PLCB1: variants seen among roughly 807,000 people sequenced by gnomAD.
PLCB1 encodes the protein 1-phosphatidylinositol 4,5-bisphosphate phosphodiesterase beta-1.
A neutral mutation model predicts 161.8 loss-of-function variants in PLCB1; 46 were observed. That is an observed-to-expected ratio of 0.28 (90% CI 0.22 to 0.36). The LOEUF is 0.36. PLCB1 is among the 10% of genes least tolerant of loss of function. PLCB1 has a pLI of 1.00. For missense variants in PLCB1, 1,016 were observed against 1,472.5 expected (o/e 0.69, Z 5.07); for synonymous variants, 517 against 503.7 (o/e 1.03, Z -0.35).
intron 3 of PLCB1, among the ~76,000 whole-genome samples, chr20:8,515,537 T>C (rs897449808): frequency 2.6e-5 from 4 of 152,316 alleles, no homozygotes; most frequent in African/African-American, 9.6e-5. Context: ...TCTAGAAATT[T>C]GTATTCCTAG....
At chr20:8,392,846 A>G (rs1351263282) in intron 3 of PLCB1, among the ~76,000 whole-genome samples, 1 of 152,214 alleles carries the variant, frequency 6.6e-6, no homozygotes, top group African/African-American at 2.4e-5. Context: ...TTTGGATGTG[A>G]TACATGACCC....
At chr20:8,470,580 C>G (rs763637078) in intron 3 of PLCB1, among the ~76,000 whole-genome samples, 1 of 152,100 alleles carries the variant, frequency 6.6e-6, no homozygotes, top group Non-Finnish European at 1.5e-5. Flanking sequence ...AGGTCTCACT[C>G]TTAGTCCAGG....
chr20:8,385,177 C>T (rs966440456), intron 3 of PLCB1, among the ~76,000 whole-genome samples: 2 of 152,212 alleles, frequency 1.3e-5, no homozygotes, highest in Non-Finnish European at 2.9e-5. Flanking sequence ...ACTCCTCTCC[C>T]TGGGGCTCAG....
At chr20:8,309,316 G>A (rs57610231) in intron 2 of PLCB1, among the ~76,000 whole-genome samples, 31,404 of 152,010 alleles carry the variant, frequency 0.21, 3,414 homozygotes, top group South Asian at 0.3. Context: ...CCCTACCCCC[G>A]AATAATGCAC....
At chr20:8,554,268 G>C (rs1479525215) in intron 3 of PLCB1, among the ~76,000 whole-genome samples, 1 of 152,016 alleles carries the variant, frequency 6.6e-6, no homozygotes, top group Non-Finnish European at 1.5e-5. Flanking sequence ...TTACCCAAAA[G>C]AGATGAAACA....
chr20:8,335,773 A>G (rs1322688075), intron 2 of PLCB1, among the ~76,000 whole-genome samples: 1 of 152,248 alleles, frequency 6.6e-6, no homozygotes, highest in Non-Finnish European at 1.5e-5. Flanking sequence ...GGACATCTGT[A>G]ACGCTGCAGA....
chr20:8,626,750 C>CA (rs1171183229), intron 3 of PLCB1, among the ~76,000 whole-genome samples: 7 of 152,154 alleles, frequency 4.6e-5, no homozygotes, highest in African/African-American at 1.7e-4. Flanking sequence ...CTGAGTGTAC[C>CA]AAAAAGAACC....
chr20:8,733,417 G>C (rs953420192), intron 19 of PLCB1, 25 bp downstream of exon 19: 2 of 1,605,488 alleles, frequency 1.2e-6, no homozygotes, highest in African/African-American at 2.7e-5. Flanking sequence ...TCACAAAATT[G>C]TTCCTAACAA....
chr20:8,859,269 A>G (rs944902929), intron 31 of PLCB1, among the ~76,000 whole-genome samples: 3 of 152,242 alleles, frequency 2.0e-5, no homozygotes, highest in African/African-American at 7.2e-5. Context: ...CTGCTCACAA[A>G]TAGAACATTG....
intron 2 of PLCB1, among the ~76,000 whole-genome samples, chr20:8,227,718 T>TA (rs1302634565): frequency 6.6e-6 from 1 of 152,146 alleles, no homozygotes; most frequent in Non-Finnish European, 1.5e-5. Context: ...AAAATTCCCA[T>TA]AGGACTCAAA....
chr20:8,838,236 T>C (rs1451876379), intron 31 of PLCB1, among the ~76,000 whole-genome samples: 2 of 152,192 alleles, frequency 1.3e-5, no homozygotes, highest in Admixed American at 6.5e-5. Context: ...AAATTTATAC[T>C]GTTCATCTTT....
chr20:8,238,865 C>T (rs560812425), intron 2 of PLCB1, among the ~76,000 whole-genome samples: 18 of 149,932 alleles, frequency 1.2e-4, no homozygotes, highest in Non-Finnish European at 2.2e-4. Context: ...AAATGGGTGG[C>T]TGGGGGGAAG....
At chr20:8,430,522 G>A (rs1979993571) in intron 3 of PLCB1, among the ~76,000 whole-genome samples, 1 of 152,210 alleles carries the variant, frequency 6.6e-6, no homozygotes, top group South Asian at 2.1e-4. Context: ...AGTCTCATGG[G>A]TATATGTTTA....
chr20:8,695,574 C>T (rs1037110338), intron 10 of PLCB1, among the ~76,000 whole-genome samples: 2 of 152,112 alleles, frequency 1.3e-5, no homozygotes, highest in Admixed American at 1.3e-4. Context: ...TGCTCGTGCA[C>T]ATCTGTGGTC....
Position 8,868,396 on chromosome 20 carries a change from G to C in PLCB1, c.3424-13226G>C, listed in dbSNP as rs146611692. On this transcript the variant is annotated intron_variant, in intron 31 of 31. Transcript: ENST00000338037. ...CAGGTCAATAAGACCCTGGGCCATG[G>C]GACCCCTCTTCAGCATCACTTTTCA... Among the ~76,000 whole-genome samples, 488 of 152,270 alleles carry C rather than the reference G, an allele frequency of 3.2e-3. 6 individuals carry two copies. Among genetic ancestry groups the C allele is most frequent in the African/African-American group, 0.011 (458 of 41,564 alleles).
At chr20:8,827,015 T>C (rs530489382) in intron 31 of PLCB1, among the ~76,000 whole-genome samples, 1 of 152,304 alleles carries the variant, frequency 6.6e-6, no homozygotes, top group African/African-American at 2.4e-5. Context: ...ATCTCTTAGG[T>C]CAGTTTTGCA....
At chr20:8,563,222 G>A (rs556737531) in intron 3 of PLCB1, among the ~76,000 whole-genome samples, 1 of 152,066 alleles carries the variant, frequency 6.6e-6, no homozygotes, top group Admixed American at 6.6e-5. Context: ...TTAGGAGCAA[G>A]TAATTGATTT....
At position 8,737,330 on chromosome 20, in the gene PLCB1, A is replaced by G. The variant is rs933320421; in HGVS notation, c.2208+138A>G. The G allele has an allele frequency of 3.1e-5, 22 of 705,834 alleles. No individual in the cohort carries two copies. The African/African-American group carries it at 3.3e-4, about 10-fold the overall frequency. 43.7% of individuals were successfully genotyped at this position (705,834 alleles called of 1,614,324 possible). On this transcript the variant is annotated intron_variant, in intron 20 of 31. Transcript: ENST00000338037. ...ATAAAGCAATTACCTTTTGAAAGCCATTCTGAAAACCCTTCAAGAATTCTG... is the reference window on the plus strand; with the variant it reads ...ATAAAGCAATTACCTTTTGAAAGCCGTTCTGAAAACCCTTCAAGAATTCTG...
intron 3 of PLCB1, among the ~76,000 whole-genome samples, chr20:8,551,440 G>T (rs554248221): frequency 4.6e-5 from 7 of 152,190 alleles, no homozygotes; most frequent in African/African-American, 1.7e-4. Context: ...CTTTTTCATG[G>T]CAATCATTGA....
Sources: allele counts gnomAD v4.1 joint callset (sites outside exome capture counted in the v4.1 genomes callset), GRCh38; gene constraint gnomAD v4.1.1; transcripts MANE v1.5; gene names NCBI Gene and HGNC (gene_info 2026-07-23, HGNC 2026-07-21).